The following PPP6C variants were observed in gnomAD, a reference collection of about 807,000 sequenced individuals.
The protein encoded by PPP6C is protein phosphatase 6 catalytic subunit, also known as serine/threonine-protein phosphatase 6 catalytic subunit.
Under a neutral mutation model 39.8 loss-of-function variants are expected in PPP6C, and 11 were observed. The observed-to-expected ratio is 0.28, with a 90% CI of 0.17 to 0.46. The LOEUF (loss-of-function observed/expected upper bound fraction) is 0.46, where lower values mean the gene tolerates loss of function less well. Ranked by LOEUF, PPP6C falls within the 20% of genes least tolerant of loss-of-function variation. The pLI, the probability that PPP6C is intolerant of heterozygous loss-of-function variation, is 1.00. For missense variants in PPP6C, 211 were observed against 373.9 expected (o/e 0.56, Z 3.59); for synonymous variants, 129 against 130.3 (o/e 0.99, Z 0.07).
Position 125,160,696 on chromosome 9 carries a change from C to T in PPP6C, c.237+145G>A, listed in dbSNP as rs116578584. 6.8e-3 allele frequency: 3,423 copies of T among 502,646 alleles called. 88 individuals are homozygous for T. The highest frequency in any genetic ancestry group is 0.06 in the African/African-American group (2,997 of 49,768). The allele number at this position is 502,646 out of a possible 1,614,324, so 31.1% of individuals were successfully genotyped here. A position where few individuals can be genotyped will look rare whatever the true frequency, so the allele number is the denominator to read the frequency against. ...CCAGTCTCAGGTATGTCTTTATCAG[C>T]GGCGTGAAAACGGACTAATACACAT... On this transcript the variant is annotated intron_variant, in intron 3 of 6. Coordinates refer to ENST00000373547, the MANE Select transcript of PPP6C (RefSeq NM_002721.5).
At chr9:125,186,042 G>A (rs10986626) in intron 1 of PPP6C, among the ~76,000 whole-genome samples, 21,639 of 152,024 alleles carry the variant, frequency 0.14, 1,737 homozygotes, top group East Asian at 0.23. Flanking sequence ...CCAACTTAGC[G>A]AAACAGAAAT....
chr9:125,156,947 G>A (rs1416134900), intron 4 of PPP6C, among the ~76,000 whole-genome samples: 2 of 152,014 alleles, frequency 1.3e-5, no homozygotes, highest in East Asian at 3.9e-4. Flanking sequence ...CTGAGTAGCT[G>A]GGATTACAGG....
At chr9:125,189,150 G>C (rs77132710) in intron 1 of PPP6C, among the ~76,000 whole-genome samples, 5,008 of 152,202 alleles carry the variant, frequency 0.033, 241 homozygotes, top group African/African-American at 0.11. Flanking sequence ...CAAACCACTC[G>C]GGCCCACCGC....
chr9:125,173,002 C>T (rs1056635830), intron 1 of PPP6C, among the ~76,000 whole-genome samples: 2 of 152,136 alleles, frequency 1.3e-5, no homozygotes, highest in Non-Finnish European at 2.9e-5. Flanking sequence ...GCCAGCTGGG[C>T]ACGGCGGCTC....
intron 2 of PPP6C, among the ~76,000 whole-genome samples, chr9:125,165,309 G>C (rs1363040872): frequency 6.6e-6 from 1 of 152,064 alleles, no homozygotes; most frequent in Admixed American, 6.6e-5. Flanking sequence ...TGAGGCAGAA[G>C]AATCGCTTGA....
At chr9:125,168,102 G>A (rs1325594913) in intron 2 of PPP6C, among the ~76,000 whole-genome samples, 3 of 152,198 alleles carry the variant, frequency 2.0e-5, no homozygotes, top group East Asian at 3.8e-4. Flanking sequence ...GGCACGAGCA[G>A]TTTTACCCTC....
Position 125,165,795 on chromosome 9 carries a change from CT to C in PPP6C, c.172-4890del, listed in dbSNP as rs781221037. On this transcript the variant is annotated intron_variant, in intron 2 of 6. Coordinates refer to ENST00000373547, the MANE Select transcript of PPP6C (RefSeq NM_002721.5). ...CTGAAACCATAACAGTAATCTTTTG[CT>C]TTTTTTTTTTTTTTTTTGGAGACAG... Among the ~76,000 whole-genome samples the C allele has an allele frequency of 3.9e-3, 440 of 113,600 alleles. 4 individuals carry two copies. The highest frequency in any genetic ancestry group is 0.01 in the African/African-American group (288 of 28,712). The allele number at this position is 113,600 out of a possible 152,430, so 74.5% of individuals were successfully genotyped here.
At chr9:125,189,089 T>C in intron 1 of PPP6C, 2 of 614,156 alleles carry the variant, frequency 3.3e-6, no homozygotes, top group Non-Finnish European at 5.7e-6. Context: ...AAAAGCAATT[T>C]GGAGGAGTGG....
intron 2 of PPP6C, among the ~76,000 whole-genome samples, chr9:125,164,216 CT>C (rs1828961222): frequency 1.1e-4 from 13 of 119,794 alleles, no homozygotes; most frequent in African/African-American, 3.1e-4. Context: ...CTCCCTCACT[CT>C]CTTTTTTTTT....
chr9:125,188,867 A>C, intron 1 of PPP6C: 1 of 1,312,180 alleles, frequency 7.6e-7, no homozygotes, highest in Non-Finnish European at 1.0e-6. Flanking sequence ...TCATTCCTTT[A>C]CCCATACATA....
intron 1 of PPP6C, among the ~76,000 whole-genome samples, chr9:125,189,163 TC>T (rs1369707306): frequency 2.0e-5 from 3 of 152,138 alleles, no homozygotes; most frequent in African/African-American, 4.8e-5. Context: ...CCCACCGCCT[TC>T]CCCTTCCTCA....
intron 1 of PPP6C, among the ~76,000 whole-genome samples, chr9:125,185,609 G>A (rs188611736): frequency 7.9e-5 from 12 of 151,476 alleles, no homozygotes; most frequent in East Asian, 3.9e-4. Context: ...CAGGAGAATC[G>A]CTTGAATCCG....
intron 3 of PPP6C, 26 bp from the exon 4 acceptor site, chr9:125,158,408 A>G (rs1474232619): frequency 6.2e-6 from 10 of 1,603,924 alleles, no homozygotes; most frequent in Non-Finnish European, 7.7e-6. Context: ...TTACAGTTAC[A>G]AACAATACAA....
Position 125,146,799 on chromosome 9 carries a change from T to C in PPP6C, c.*2874A>G, listed in dbSNP as rs557532662. The C allele has an allele frequency of 2.6e-5, 4 of 152,310 alleles. No homozygotes were observed. The highest frequency in any genetic ancestry group is 9.6e-5 in the African/African-American group (4 of 41,566). 9.4% of individuals were successfully genotyped at this position (152,310 alleles called of 1,614,324 possible). A position where few individuals can be genotyped will look rare whatever the true frequency, so the allele number is the denominator to read the frequency against. On this transcript the variant is annotated 3_prime_UTR_variant, in exon 7 of 7. Coordinates refer to ENST00000373547, the MANE Select transcript of PPP6C (RefSeq NM_002721.5). The stretch of plus-strand genomic sequence containing the variant: ...TCTGGATTCTTGATGTCAAATCTCT[T>C]CGACTCCAGATACACAATTTCCTGG...
chr9:125,177,557 A>G (rs1829329030), intron 1 of PPP6C, among the ~76,000 whole-genome samples: 1 of 152,082 alleles, frequency 6.6e-6, no homozygotes, highest in African/African-American at 2.4e-5. Context: ...AAAGAAAAAG[A>G]AAAAAAGAAA....
chr9:125,153,825 T>C (rs1039734923), intron 5 of PPP6C, 81 bp downstream of exon 5: 1 of 1,519,686 alleles, frequency 6.6e-7, no homozygotes, highest in Non-Finnish European at 9.1e-7. Flanking sequence ...GATATCAATA[T>C]AATTGAGATG....
intron 1 of PPP6C, among the ~76,000 whole-genome samples, chr9:125,171,617 G>A (rs1318418219): frequency 4.7e-5 from 7 of 148,386 alleles, no homozygotes; most frequent in Non-Finnish European, 8.9e-5. Flanking sequence ...GCAGTGACAC[G>A]ATCTCGGCTC....
intron 1 of PPP6C, among the ~76,000 whole-genome samples, chr9:125,184,359 G>C (rs902102254): frequency 7.2e-5 from 11 of 151,874 alleles, no homozygotes; most frequent in African/African-American, 2.7e-4. Context: ...TTACACTCCA[G>C]CCTGGTGACA....
At chr9:125,186,828 T>C (rs1358397306) in intron 1 of PPP6C, among the ~76,000 whole-genome samples, 1 of 151,572 alleles carries the variant, frequency 6.6e-6, no homozygotes, top group East Asian at 1.9e-4. Flanking sequence ...AATGCAGCTA[T>C]GTTTCAACAA....
Sources: allele counts gnomAD v4.1 joint callset (sites outside exome capture counted in the v4.1 genomes callset), GRCh38; gene constraint gnomAD v4.1.1; transcripts MANE v1.5; gene names NCBI Gene and HGNC (gene_info 2026-07-23, HGNC 2026-07-21).